Variants in CECR2 observed in about 807,000 individuals in gnomAD.
CECR2 encodes chromatin remodeling regulator CECR2.
CECR2 carries 30 observed loss-of-function variants against 154.5 expected under a neutral mutation model. That is an observed-to-expected ratio of 0.19 (90% CI 0.15 to 0.26). The LOEUF is 0.26. CECR2 is among the 10% of genes least tolerant of loss of function. CECR2 has a pLI of 1.00. For synonymous variants in CECR2, 725 were observed against 683.7 expected (o/e 1.06, Z -0.94); for missense variants, 1,743 against 1,829.3 (o/e 0.95, Z 0.86).
intron 2 of CECR2, among the ~76,000 whole-genome samples, chr22:17,483,956 G>A (rs1235440533): frequency 6.6e-6 from 1 of 152,320 alleles, no homozygotes; most frequent in East Asian, 1.9e-4. Context: ...ATGTTTAGAT[G>A]TGTCTGGATC....
chr22:17,445,134 G>C (rs2054639916), intron 1 of CECR2, among the ~76,000 whole-genome samples: 1 of 152,096 alleles, frequency 6.6e-6, no homozygotes, highest in African/African-American at 2.4e-5. Context: ...CTCATATTAA[G>C]TTATAAGTCT....
chr22:17,502,980 T>C lies in CECR2; in HGVS notation c.651-102T>C, dbSNP rs999991080. 4.1e-6 allele frequency: 4 copies of C among 983,120 alleles called. No individual in the cohort carries two copies. In the African/African-American group the frequency reaches 6.5e-5, roughly 16 times the overall value. The allele number at this position is 983,120 out of a possible 1,614,324, so 60.9% of individuals were successfully genotyped here. On this transcript the variant is annotated intron_variant, in intron 5 of 18. Transcript: ENST00000262608. ...GTCCCCTTAACACACACACATACACTCTCTTTGTGTTAAATTAATGGGTTC... is the reference window on the plus strand; with the variant it reads ...GTCCCCTTAACACACACACATACACCCTCTTTGTGTTAAATTAATGGGTTC...
At chr22:17,361,377 T>C in intron 1 of CECR2, among the ~76,000 whole-genome samples, 1 of 151,478 alleles carries the variant, frequency 6.6e-6, no homozygotes, top group Non-Finnish European at 1.5e-5. Context: ...TCTCAGCTAC[T>C]CAGGAGGCTG....
chr22:17,481,232 A>G (rs572995168), intron 2 of CECR2, among the ~76,000 whole-genome samples: 35 of 148,198 alleles, frequency 2.4e-4, no homozygotes, highest in African/African-American at 7.7e-4. Context: ...AGTCCCAGCT[A>G]CTTGGGAGGC....
intron 4 of CECR2, 40 bp from the exon 5 acceptor site, chr22:17,500,591 A>G (rs1200928499): frequency 5.7e-6 from 8 of 1,395,106 alleles, no homozygotes; most frequent in South Asian, 2.6e-5. Flanking sequence ...AGCAATGCCA[A>G]TCCTGTGCCA....
chr22:17,545,842 CAAAA>C (rs112121132), intron 16 of CECR2, among the ~76,000 whole-genome samples: 4 of 89,568 alleles, frequency 4.5e-5, no homozygotes, highest in East Asian at 7.3e-4. Flanking sequence ...GACTCCGTCT[CAAAA>C]AAAAAAAAAA....
At position 17,449,483 on chromosome 22, in the gene CECR2, CTT is replaced by C. The variant is rs35473694; in HGVS notation, c.127-28082_127-28081del. Among the ~76,000 whole-genome samples the C allele has an allele frequency of 1.2e-3, 87 of 71,452 alleles. 1 individual carries two copies. The highest frequency in any genetic ancestry group is 5.0e-3 in the African/African-American group (84 of 16,956). 46.9% of individuals were successfully genotyped at this position (71,452 alleles called of 152,430 possible). The stretch of plus-strand genomic sequence containing the variant: ...CCGCACATCTAATTGGTAACCAGTT[CTT>C]TTTTTTTTTTTTTTTTTTTTTTGAG... On this transcript the variant is annotated intron_variant, in intron 1 of 18. Coordinates refer to ENST00000262608, the MANE Select transcript of CECR2 (RefSeq NM_001290047.2).
At chr22:17,437,062 T>C (rs1254649040) in intron 1 of CECR2, among the ~76,000 whole-genome samples, 2 of 152,142 alleles carry the variant, frequency 1.3e-5, no homozygotes, top group Admixed American at 1.3e-4. Flanking sequence ...CTCTGACAAG[T>C]CTCTTGCTGC....
At chr22:17,542,116 T>C (rs1321381452) in intron 15 of CECR2, 41 bp from the exon 16 acceptor site, 2 of 1,591,452 alleles carry the variant, frequency 1.3e-6, no homozygotes, top group East Asian at 2.2e-5. Context: ...GTGTGCCTTA[T>C]TCTGTGAGTC....
chr22:17,485,890 G>A (rs1005135673), intron 2 of CECR2, among the ~76,000 whole-genome samples: 2 of 152,220 alleles, frequency 1.3e-5, no homozygotes, highest in African/African-American at 4.8e-5. Flanking sequence ...GTGAGCATAA[G>A]TGCTATTTGG....
At chr22:17,364,237 G>A (rs1475024071) in intron 1 of CECR2, among the ~76,000 whole-genome samples, 2 of 151,142 alleles carry the variant, frequency 1.3e-5, no homozygotes, top group East Asian at 2.0e-4. Flanking sequence ...CAGCTACTCC[G>A]GAGGCTGAGG....
chr22:17,475,519 C>T (rs978706229), intron 1 of CECR2, among the ~76,000 whole-genome samples: 2 of 152,044 alleles, frequency 1.3e-5, no homozygotes, highest in East Asian at 3.9e-4. Flanking sequence ...GTCTCAAACT[C>T]CTGGGCTCAG....
chr22:17,368,756 G>A (rs953451993), upstream of CECR2, among the ~76,000 whole-genome samples: 1 of 151,958 alleles, frequency 6.6e-6, no homozygotes, highest in African/African-American at 2.4e-5. Context: ...CGTCTTCTCC[G>A]GGGCGGTCAC....
chr22:17,546,619 A>G (rs1441399496), intron 16 of CECR2, among the ~76,000 whole-genome samples: 2 of 152,154 alleles, frequency 1.3e-5, no homozygotes, highest in Non-Finnish European at 2.9e-5. Context: ...GCCAGCTTCA[A>G]GTAGCCTGAG....
Position 17,399,799 on chromosome 22 carries a change from A to G in CECR2, c.126+29890A>G, listed in dbSNP as rs528185209. Among the ~76,000 whole-genome samples the G allele has an allele frequency of 2.1e-3, 315 of 152,296 alleles. 1 individual carries two copies. Among genetic ancestry groups the G allele is most frequent in the African/African-American group, 7.1e-3 (297 of 41,568 alleles). On this transcript the variant is annotated intron_variant, in intron 1 of 18. Transcript: ENST00000262608. Reference sequence around the variant, plus strand: ...TAAAATTGTGGATTTTACTACAGTAAAAATTTTAGTGTAATTTCATCATTT... The same window carrying G: ...TAAAATTGTGGATTTTACTACAGTAGAAATTTTAGTGTAATTTCATCATTT...
At chr22:17,434,577 T>G (rs1179920399) in intron 1 of CECR2, among the ~76,000 whole-genome samples, 1 of 152,080 alleles carries the variant, frequency 6.6e-6, no homozygotes, top group Non-Finnish European at 1.5e-5. Flanking sequence ...TTAATCACTT[T>G]CCGAGCAGTC....
intron 2 of CECR2, among the ~76,000 whole-genome samples, chr22:17,490,565 G>A (rs2055509629): frequency 6.6e-6 from 1 of 152,000 alleles, no homozygotes; most frequent in Non-Finnish European, 1.5e-5. Context: ...CTCCCGAGTA[G>A]CTGGGATTAC....
intron 16 of CECR2, among the ~76,000 whole-genome samples, chr22:17,547,806 C>G (rs758970657): frequency 2.6e-5 from 4 of 152,154 alleles, no homozygotes; most frequent in Non-Finnish European, 4.4e-5. Context: ...CCATCCCCTC[C>G]CAGTGTGTTT....
rs768023446 is a variant in CECR2 at position 17,542,346 on chromosome 22, C to G, written c.2203C>G (p.Pro735Ala). 6.2e-7 allele frequency: 1 copy of G among 1,613,752 alleles called. No individual in the cohort carries two copies. Among genetic ancestry groups the G allele is most frequent in the Non-Finnish European group, 8.5e-7 (1 of 1,179,790 alleles). The change falls in exon 16 of 19, where the codon CCT becomes GCT. Residue 735 changes from proline to alanine, a missense_variant. By Grantham distance (27) the Pro-to-Ala change is conservative. Around this residue, in one of 4 missense-constraint regions of CECR2, gnomAD observed 1,250 missense variants for 1,192.1 expected, o/e 1.05. Coordinates refer to ENST00000262608, the MANE Select transcript of CECR2 (RefSeq NM_001290047.2). The part of the protein sequence containing the change: ...APAQFQPGFI[P>A]PRHGGAPARP... The stretch of plus-strand genomic sequence containing the variant: ...AGCTCAGTTCCAGCCAGGATTCATT[C>G]CTCCCCGGCATGGGGGGGCTCCAGC...
Sources: gnomAD v4.1 joint callset for allele counts (sites outside exome capture counted in the v4.1 genomes callset) on GRCh38, gnomAD v4.1.1 for gene constraint, gnomAD v4.1.1 regional missense constraint, MANE v1.5 for transcripts, NCBI Gene and HGNC (gene_info 2026-07-23, HGNC 2026-07-21) for gene names.